The following IL17RD variants were observed in gnomAD, a reference collection of about 807,000 sequenced individuals.
IL17RD encodes the protein interleukin-17 receptor D.
Under a neutral mutation model 80.5 loss-of-function variants are expected in IL17RD, and 52 were observed. The observed-to-expected ratio is 0.65, with a 90% CI of 0.52 to 0.81. The LOEUF (loss-of-function observed/expected upper bound fraction) is 0.81, where lower values mean the gene tolerates loss of function less well. Among genes scored for constraint, IL17RD ranks in the 40% least tolerant of loss-of-function variants. IL17RD has a pLI of 0.00. For synonymous variants in IL17RD, 416 were observed against 391.8 expected (o/e 1.06, Z -0.73); for missense variants, 1,024 against 955.1 (o/e 1.07, Z -0.95).
rs1234338783 is a variant in IL17RD at position 57,098,126 on chromosome 3, C to G, written c.1577G>C (p.Arg526Pro). 1 of 1,613,906 alleles carries G rather than the reference C, an allele frequency of 6.2e-7. No individual in the cohort carries two copies. The highest frequency in any genetic ancestry group is 2.2e-5 in the East Asian group (1 of 44,868). ...GAAGTAGTTCCTTCTGCTGCCCTGT[C>G]GCGTGTGCTGCCCCGGCTCCTGGAG... ...HGLQEPGQHT[R>P]QGSRRNYFRS... The change falls in exon 12 of 13, where the codon CGA (arginine) becomes CCA (proline). Residue 526 changes from arginine to proline, a missense_variant. By Grantham distance (103) the Arg-to-Pro change is moderately radical (BLOSUM62 -2). Transcript: ENST00000296318.
intron 1 of IL17RD, chr3:57,134,326 G>C (rs577800383): frequency 2.9e-6 from 2 of 688,754 alleles, no homozygotes; most frequent in Middle Eastern, 3.3e-4. Flanking sequence ...GCTTGATGCC[G>C]GGAAAACACC....
intron 1 of IL17RD, among the ~76,000 whole-genome samples, chr3:57,163,952 C>G (rs987101338): frequency 7.2e-5 from 11 of 152,262 alleles, no homozygotes; most frequent in African/African-American, 2.4e-4. Flanking sequence ...TTGGAGGCAC[C>G]AGCCTGCGTG....
At chr3:57,158,227 T>C (rs963692471) in intron 1 of IL17RD, among the ~76,000 whole-genome samples, 7 of 152,234 alleles carry the variant, frequency 4.6e-5, no homozygotes, top group Non-Finnish European at 1.0e-4. Flanking sequence ...AAAAGCCTCA[T>C]GATTAACGTC....
At chr3:57,122,740 CT>C (rs754491969) in intron 1 of IL17RD, among the ~76,000 whole-genome samples, 35 of 117,026 alleles carry the variant, frequency 3.0e-4, no homozygotes, top group East Asian at 9.5e-4. Flanking sequence ...CCTCAACTGT[CT>C]TTTTTTTTTT....
At chr3:57,099,749 A>C (rs544633628) in intron 11 of IL17RD, among the ~76,000 whole-genome samples, 15 of 152,364 alleles carry the variant, frequency 9.8e-5, no homozygotes, top group Non-Finnish European at 1.9e-4. Flanking sequence ...TTTCTTGGGA[A>C]ATCATCACAA....
intron 1 of IL17RD, among the ~76,000 whole-genome samples, chr3:57,127,226 A>C (rs1337316869): frequency 8.8e-6 from 1 of 113,430 alleles, no homozygotes; most frequent in Non-Finnish European, 1.6e-5. Flanking sequence ...ATATAAATAT[A>C]TATAAAAATA....
chr3:57,097,568 T>C (rs1706708051), intron 12 of IL17RD, 28 bp downstream of exon 12: 1 of 1,520,610 alleles, frequency 6.6e-7, no homozygotes, highest in Non-Finnish European at 8.9e-7. Context: ...CTGCGGCCTG[T>C]TAGGACCCGG....
chr3:57,114,992 G>A (rs912250710), intron 2 of IL17RD, among the ~76,000 whole-genome samples, 175 bp from the exon 3 acceptor site: 1 of 152,112 alleles, frequency 6.6e-6, no homozygotes, highest in African/African-American at 2.4e-5. Flanking sequence ...TTGGAAAACT[G>A]TAAGATGTTA....
chr3:57,100,114 G>C lies in IL17RD; in HGVS notation c.1164+1065C>G, dbSNP rs80198537. 3.0e-3 allele frequency among the ~76,000 whole-genome samples: 454 copies of C among 152,340 alleles called. 8 individuals carry two copies. Among genetic ancestry groups the C allele is most frequent in the Admixed American group, 0.026 (393 of 15,304 alleles). On this transcript the variant is annotated intron_variant, in intron 11 of 12. Transcript: ENST00000296318. ...AACTATTACACTAATAACTGGAAGAGCGTTTTCCCCAGAGGCTAAATACTT... is the reference window on the plus strand; with the variant it reads ...AACTATTACACTAATAACTGGAAGACCGTTTTCCCCAGAGGCTAAATACTT...
chr3:57,111,821 G>A (rs534065351), intron 3 of IL17RD, among the ~76,000 whole-genome samples: 2 of 152,070 alleles, frequency 1.3e-5, no homozygotes, highest in African/African-American at 2.4e-5. Context: ...AATCAGCTGG[G>A]CACAGTGGTG....
At chr3:57,135,911 T>C (rs986149608) in intron 1 of IL17RD, among the ~76,000 whole-genome samples, 7 of 152,158 alleles carry the variant, frequency 4.6e-5, no homozygotes, top group Admixed American at 2.0e-4. Flanking sequence ...ACTTGCACAG[T>C]ATACACACGT....
chr3:57,120,479 GT>G (rs1448945569), intron 1 of IL17RD, among the ~76,000 whole-genome samples, 166 bp from the exon 2 acceptor site: 2 of 152,226 alleles, frequency 1.3e-5, no homozygotes, highest in Non-Finnish European at 2.9e-5. Flanking sequence ...CCCCACAGCT[GT>G]CAAACTCCCG....
At chr3:57,134,579 CA>C in intron 1 of IL17RD, 1 of 1,248,584 alleles carries the variant, frequency 8.0e-7, no homozygotes, top group Non-Finnish European at 1.2e-6. Flanking sequence ...TGAAGGCAGA[CA>C]AGGCCCACAA....
intron 1 of IL17RD, among the ~76,000 whole-genome samples, chr3:57,159,083 A>G (rs1342281684): frequency 2.6e-5 from 4 of 152,156 alleles, no homozygotes; most frequent in African/African-American, 9.7e-5. Flanking sequence ...ATATATAGAT[A>G]AAACACACAC....
In IL17RD at chr3:57,110,261, C is replaced by A; in HGVS notation, c.361G>T (p.Glu121Ter). 6.2e-7 allele frequency: 1 copy of A among 1,609,526 alleles called. No individual in the cohort carries two copies. Among genetic ancestry groups the A allele is most frequent in the African/African-American group, 1.3e-5 (1 of 75,004 alleles). The stretch of plus-strand genomic sequence containing the variant: ...ATCAGTTGTTGGCACTGTCTTCCCT[C>A]CGACTTCAGCTCCTCCAGTATTACC... The part of the protein sequence containing the change: ...FRVILEELKS[E>*]GRQCQQLILK... The change falls in exon 4 of 13, where the codon GAG becomes TAG. Residue 121 changes from glutamate to a stop codon, truncating the protein, a stop_gained. Coordinates refer to ENST00000296318, the MANE Select transcript of IL17RD (RefSeq NM_017563.5). LOFTEE classifies it high-confidence loss of function.
chr3:57,159,385 G>A (rs544499036), intron 1 of IL17RD, among the ~76,000 whole-genome samples: 1 of 152,298 alleles, frequency 6.6e-6, no homozygotes, highest in East Asian at 1.9e-4. Flanking sequence ...GAAGTGGCCT[G>A]TGGTTAAACA....
intron 5 of IL17RD, among the ~76,000 whole-genome samples, chr3:57,106,367 T>C (rs1036086951): frequency 6.6e-6 from 1 of 152,242 alleles, no homozygotes; most frequent in Admixed American, 6.5e-5. Flanking sequence ...GTTCACTTTA[T>C]GCCACATAAA....
At chr3:57,126,179 G>A (rs1579289009) in intron 1 of IL17RD, among the ~76,000 whole-genome samples, 1 of 152,326 alleles carries the variant, frequency 6.6e-6, no homozygotes, top group East Asian at 1.9e-4. Context: ...CCAATGCAGT[G>A]GACTCAGGGT....
At chr3:57,127,299 TATATAAAA>T (rs1707496669) in intron 1 of IL17RD, among the ~76,000 whole-genome samples, 1 of 103,768 alleles carries the variant, frequency 9.6e-6, no homozygotes, top group African/African-American at 4.4e-5. Context: ...TATATAAATA[TATATAAAA>T]ATATATAAAA....
Sources: allele counts gnomAD v4.1 joint callset (sites outside exome capture counted in the v4.1 genomes callset), GRCh38; gene constraint gnomAD v4.1.1; transcripts MANE v1.5; gene names NCBI Gene and HGNC (gene_info 2026-07-23, HGNC 2026-07-21).